The following DYNC2H1 variants were observed in gnomAD, a reference collection of about 807,000 sequenced individuals.
DYNC2H1 encodes the protein cytoplasmic dynein 2 heavy chain 1.
DYNC2H1 carries 410 observed loss-of-function variants against 570.0 expected under a neutral mutation model. The ratio of observed to expected loss-of-function variants is 0.72; its 90% CI spans 0.66 to 0.78. The LOEUF (loss-of-function observed/expected upper bound fraction) is 0.78. Among genes scored for constraint, DYNC2H1 ranks in the 30% least tolerant of loss-of-function variants. The probability of loss-of-function intolerance (pLI) is 0.00; values close to 1 mark genes in which losing one functional copy is unlikely to be tolerated. For missense variants in DYNC2H1, 4,865 were observed against 5,046.4 expected (o/e 0.96, Z 1.09); for synonymous variants, 1,688 against 1,677.6 (o/e 1.01, Z -0.15).
intron 82 of DYNC2H1, among the ~76,000 whole-genome samples, chr11:103,343,271 A>G (rs983082766): frequency 2.0e-5 from 3 of 152,106 alleles, no homozygotes; most frequent in Admixed American, 6.5e-5. Flanking sequence ...TCGACCATCT[A>G]TCCTGTATAT....
intron 59 of DYNC2H1, among the ~76,000 whole-genome samples, chr11:103,229,368 A>G (rs554652673): frequency 8.5e-5 from 13 of 152,186 alleles, no homozygotes; most frequent in Non-Finnish European, 1.6e-4. Context: ...CCTGCTTGCT[A>G]TCTGTCATCT....
intron 70 of DYNC2H1, 104 bp downstream of exon 70, chr11:103,260,081 A>C: frequency 1.5e-6 from 1 of 649,518 alleles, no homozygotes; most frequent in Non-Finnish European, 2.4e-6. Flanking sequence ...AAAGGTATTA[A>C]AAATGGTATT....
chr11:103,176,151 G>A (rs574308759), intron 36 of DYNC2H1, 84 bp from the exon 37 acceptor site: 6 of 967,230 alleles, frequency 6.2e-6, no homozygotes, highest in Non-Finnish European at 8.6e-6. Context: ...GATTAATAAT[G>A]CATATCAAGG....
intron 84 of DYNC2H1, chr11:103,405,771 A>G (rs1942839622): frequency 6.6e-6 from 1 of 152,006 alleles, no homozygotes; most frequent in Non-Finnish European, 1.5e-5. Context: ...CTCATGCGCC[A>G]AATAACAGAT....
chr11:103,302,684 T>C (rs1159945913), intron 75 of DYNC2H1, among the ~76,000 whole-genome samples: 1 of 152,074 alleles, frequency 6.6e-6, no homozygotes, highest in Non-Finnish European at 1.5e-5. Flanking sequence ...CACTCAACTA[T>C]CATATCAGTT....
rs1402019021 is a variant in DYNC2H1, at chr11:103,185,336, A to G, written c.6633+285A>G. On this transcript the variant is annotated intron_variant, in intron 41 of 88. Transcript: ENST00000375735. This position sits in a 1 kb window ranked among gnomAD's most constrained non-coding sequence, Gnocchi z 4.5. Reference sequence around the variant, plus strand: ...TAGACATTTTTGAACCTACTTGTCTACATTAATAATTATTTCATTCATTTA... The same window carrying G: ...TAGACATTTTTGAACCTACTTGTCTGCATTAATAATTATTTCATTCATTTA... Among the ~76,000 whole-genome samples the G allele has an allele frequency of 6.6e-6, 1 of 151,896 alleles. No homozygotes were observed. Among genetic ancestry groups the G allele is most frequent in the East Asian group, 1.9e-4 (1 of 5,198 alleles).
rs2135288046 is a variant in DYNC2H1, at chr11:103,264,808, C to T, written c.10695+4831C>T. Among the ~76,000 whole-genome samples the T allele has an allele frequency of 6.6e-6, 1 of 152,272 alleles. No individual in the cohort carries two copies. The highest frequency in any genetic ancestry group is 1.5e-5 in the Non-Finnish European group (1 of 68,008). ...GAAGCATTCCCTTTGAAAACCAGCA[C>T]ATGATAAGGATGCCCTCTCTCACAA... On this transcript the variant is annotated intron_variant, in intron 70 of 88. Transcript: ENST00000375735. The surrounding 1 kb of genome is among the most constrained non-coding windows in gnomAD (Gnocchi z 4.8).
intron 70 of DYNC2H1, among the ~76,000 whole-genome samples, chr11:103,279,584 A>T (rs1866051163): frequency 1.3e-5 from 2 of 151,696 alleles, no homozygotes; most frequent in Admixed American, 1.3e-4. Flanking sequence ...TTACTGAGAA[A>T]TTTCTGAGCA....
intron 75 of DYNC2H1, among the ~76,000 whole-genome samples, chr11:103,298,665 T>C (rs1480205302): frequency 4.6e-5 from 7 of 152,146 alleles, no homozygotes; most frequent in Admixed American, 4.6e-4. Flanking sequence ...TTGGAGTTTT[T>C]ATTTCAGGAA....
intron 85 of DYNC2H1, among the ~76,000 whole-genome samples, chr11:103,447,679 G>C (rs1944472549): frequency 6.6e-6 from 1 of 152,054 alleles, no homozygotes; most frequent in South Asian, 2.1e-4. Flanking sequence ...TATTTGAGAG[G>C]TTTATTATAA....
intron 75 of DYNC2H1, among the ~76,000 whole-genome samples, chr11:103,293,722 G>T (rs928647568): frequency 2.0e-5 from 3 of 151,712 alleles, no homozygotes; most frequent in Non-Finnish European, 4.4e-5. Flanking sequence ...TTTGTTAATT[G>T]TATTTTTCAG....
Position 103,241,382 on chromosome 11 carries a change from C to A in DYNC2H1, c.9820-2311C>A. 4.7e-6 allele frequency: 3 copies of A among 643,090 alleles called. No individual in the cohort carries two copies. Among genetic ancestry groups the A allele is most frequent in the South Asian group, 1.9e-5 (1 of 52,852 alleles). The allele number at this position is 643,090 out of a possible 1,614,324, so 39.8% of individuals were successfully genotyped here. ...CATGGAATACAGAGATAAAATGTAC[C>A]ATAGAAATCTTATCTAAATCTGTCT... On this transcript the variant is annotated intron_variant, in intron 63 of 88. Transcript: ENST00000375735. The surrounding 1 kb of genome is among the most constrained non-coding windows in gnomAD (Gnocchi z 5.1).
Position 103,163,188 on chromosome 11 carries a change from G to C in DYNC2H1, c.4611+41G>C, listed in dbSNP as rs746257322. On this transcript the variant is annotated intron_variant, in intron 30 of 88. Coordinates refer to ENST00000375735, the MANE Select transcript of DYNC2H1 (RefSeq NM_001377.3). This position sits in a 1 kb window ranked among gnomAD's most constrained non-coding sequence, Gnocchi z 4.6. ...TGTAGAAGCTACATAGGCATGGAAC[G>C]TGGAAAGATCCCTGACCTAGAAGCC... The C allele has an allele frequency of 6.4e-6, 10 of 1,552,558 alleles. No individual in the cohort carries two copies. The highest frequency in any genetic ancestry group is 3.8e-5 in the Admixed American group (2 of 53,004).
intron 55 of DYNC2H1, among the ~76,000 whole-genome samples, chr11:103,218,006 C>A (rs1464883649): frequency 6.6e-6 from 1 of 152,098 alleles, no homozygotes; most frequent in African/African-American, 2.4e-5. Flanking sequence ...GCTAAAGTCC[C>A]AGTGATATGC....
intron 66 of DYNC2H1, among the ~76,000 whole-genome samples, chr11:103,253,854 A>G (rs2135256075): frequency 6.6e-6 from 1 of 152,114 alleles, no homozygotes; most frequent in Non-Finnish European, 1.5e-5. Context: ...ATTTTTTTTT[A>G]ACCATTAGAA....
chr11:103,314,127 T>C (rs1591563834), intron 79 of DYNC2H1, among the ~76,000 whole-genome samples: 1 of 152,282 alleles, frequency 6.6e-6, no homozygotes, highest in Non-Finnish European at 1.5e-5. Flanking sequence ...AAATGGTTTG[T>C]AATGAAAAGT....
At chr11:103,448,305 G>T (rs1218997920) in intron 85 of DYNC2H1, among the ~76,000 whole-genome samples, 1 of 152,064 alleles carries the variant, frequency 6.6e-6, no homozygotes, top group Non-Finnish European at 1.5e-5. Context: ...ACAACATCAT[G>T]TTCTGTGTAT....
At chr11:103,357,375 G>C (rs1313568570) in intron 82 of DYNC2H1, among the ~76,000 whole-genome samples, 1 of 152,062 alleles carries the variant, frequency 6.6e-6, no homozygotes, top group African/African-American at 2.4e-5. Flanking sequence ...TTTTTCATTA[G>C]AGCCTTGTAT....
At chr11:103,414,042 A>AAGTT (rs1391335420) in intron 84 of DYNC2H1, among the ~76,000 whole-genome samples, 2 of 133,738 alleles carry the variant, frequency 1.5e-5, no homozygotes, top group Non-Finnish European at 1.6e-5. Context: ...AAACTGTGGT[A>AAGTT]AGTTAAAGAT....
Sources: allele counts gnomAD v4.1 joint callset (sites outside exome capture counted in the v4.1 genomes callset), GRCh38; gene constraint gnomAD v4.1.1; non-coding constraint Gnocchi (gnomAD v3.1); transcripts MANE v1.5; gene names NCBI Gene and HGNC (gene_info 2026-07-23, HGNC 2026-07-21).